Variants in TULP4 observed in about 807,000 individuals in gnomAD.
TULP4 encodes the protein TUB like protein 4, also known as tubby-related protein 4.
Under a neutral mutation model 129.0 loss-of-function variants are expected in TULP4, and 16 were observed. The observed-to-expected ratio is 0.12, with a 90% CI of 0.08 to 0.19. The LOEUF (loss-of-function observed/expected upper bound fraction) is 0.19, where lower values mean the gene tolerates loss of function less well. TULP4 is among the 10% of genes least tolerant of loss of function. TULP4 has a pLI of 1.00. For missense variants in TULP4, 1,842 were observed against 2,059.1 expected, an observed-to-expected ratio of 0.89 and a Z score of 2.04; for synonymous variants, 998 against 854.0, an observed-to-expected ratio of 1.17 and a Z score of -2.94.
Position 158,239,533 on chromosome 6 carries a change from A to G in TULP4, n.68+7230A>G, listed in dbSNP as rs867386383. Among the ~76,000 whole-genome samples, 59 of 40,990 alleles carry G rather than the reference A, an allele frequency of 1.4e-3. 7 individuals carry two copies. Among genetic ancestry groups the G allele is most frequent in the African/African-American group, 2.5e-3 (28 of 11,328 alleles). 26.9% of individuals were successfully genotyped at this position (40,990 alleles called of 152,430 possible). A position where few individuals can be genotyped will look rare whatever the true frequency, so the allele number is the denominator to read the frequency against. ...GGGCTCCTCACTTCCCAGTAAGGGC[A>G]GCCGGGCAGAGGCGCCCCTCACCTC... On this transcript the variant is annotated intron_variant and non_coding_transcript_variant, in intron 1 of 1. Coordinates refer to the TULP4 transcript ENST00000620026.
intron 1 of TULP4, among the ~76,000 whole-genome samples, chr6:158,336,269 T>C (rs1005327439): frequency 1.2e-4 from 18 of 152,234 alleles, no homozygotes; most frequent in African/African-American, 4.3e-4. Context: ...TATTTTTCTA[T>C]AGAAATTTTG....
rs1367460827 is a variant in TULP4 at position 158,455,164 on chromosome 6, TC to T, written c.859+2898del. On this transcript the variant is annotated intron_variant, in intron 5 of 13. Transcript: ENST00000367097. ...ATCTCGGCTCACTGCAAGCTCCGCT[TC>T]CTGGGTTCACGCCATTCTCCTGCCT... Among the ~76,000 whole-genome samples, 5 of 68,116 alleles carry T rather than the reference TC, an allele frequency of 7.3e-5. 1 individual carries two copies. The highest frequency in any genetic ancestry group is 6.9e-4 in the Admixed American group (5 of 7,254). The allele number at this position is 68,116 out of a possible 152,430, so 44.7% of individuals were successfully genotyped here.
At chr6:158,354,087 G>A (rs894513160) in intron 1 of TULP4, among the ~76,000 whole-genome samples, 11 of 151,960 alleles carry the variant, frequency 7.2e-5, no homozygotes, top group Non-Finnish European at 1.2e-4. Context: ...AGCTGGCACC[G>A]TTTCCTGAGG....
At chr6:158,492,511 C>T (rs1178027157) in intron 9 of TULP4, among the ~76,000 whole-genome samples, 1 of 152,082 alleles carries the variant, frequency 6.6e-6, no homozygotes, top group African/African-American at 2.4e-5. Flanking sequence ...TTCCAAAGTG[C>T]TTTTTTCCCA....
Position 158,435,215 on chromosome 6 carries a change from G to GCCC in TULP4, c.543+5321_543+5323dup, listed in dbSNP as rs796754006. Among the ~76,000 whole-genome samples, 90 of 152,306 alleles carry GCCC rather than the reference G, an allele frequency of 5.9e-4. 1 individual carries two copies. Among genetic ancestry groups the GCCC allele is most frequent in the African/African-American group, 1.9e-3 (78 of 41,566 alleles). On this transcript the variant is annotated intron_variant, in intron 3 of 13. Coordinates refer to ENST00000367097, the MANE Select transcript of TULP4 (RefSeq NM_020245.5). Reference sequence around the variant, plus strand: ...CCCATTTCCCCCCACAGTCAGGGTAGCCCCCTGTCCTGGGTCAAGCAAAGA... The same window carrying GCCC: ...CCCATTTCCCCCCACAGTCAGGGTAGCCCCCCCCTGTCCTGGGTCAAGCAAAGA...
In TULP4 at chr6:158,511,727, C is replaced by G. The variant is rs1326812199; in HGVS notation, c.*5033C>G. 1 of 152,178 alleles carries G rather than the reference C, an allele frequency of 6.6e-6. No individual in the cohort carries two copies. The highest frequency in any genetic ancestry group is 2.4e-5 in the African/African-American group (1 of 41,440). 9.4% of individuals were successfully genotyped at this position (152,178 alleles called of 1,614,324 possible). On this transcript the variant is annotated 3_prime_UTR_variant, in exon 14 of 14. Coordinates refer to ENST00000367097, the MANE Select transcript of TULP4 (RefSeq NM_020245.5). ...GTGGTTTGTCCAAGTTATTTTCTGT[C>G]TTTATTACTGAGACGGATTAATCTC...
intron 1 of TULP4, among the ~76,000 whole-genome samples, chr6:158,337,167 CT>C (rs1780064660): frequency 1.2e-5 from 1 of 80,980 alleles, no homozygotes; most frequent in South Asian, 4.3e-4. Flanking sequence ...GAGTCTTTCT[CT>C]GTTGCCTAGG....
chr6:158,322,832 C>G (rs1303909880), intron 1 of TULP4, among the ~76,000 whole-genome samples: 1 of 152,156 alleles, frequency 6.6e-6, no homozygotes, highest in East Asian at 1.9e-4. Context: ...TGGACTTCGC[C>G]TTCCTCTATT....
chr6:158,319,051 T>C (rs1273359793), intron 1 of TULP4, among the ~76,000 whole-genome samples: 1 of 152,084 alleles, frequency 6.6e-6, no homozygotes, highest in South Asian at 2.1e-4. Flanking sequence ...CAGCTCACGA[T>C]TGTTAAATCT....
intron 1 of TULP4, among the ~76,000 whole-genome samples, chr6:158,337,029 C>CTT (rs1554281466): frequency 3.0e-4 from 2 of 6,616 alleles, no homozygotes; most frequent in African/African-American, 4.8e-4. Context: ...AATTTTCTTT[C>CTT]TTTCTTTTTC....
chr6:158,428,873 G>A (rs705950), intron 2 of TULP4, among the ~76,000 whole-genome samples: 109,401 of 152,130 alleles, frequency 0.72, 40,018 homozygotes, highest in African/African-American at 0.79. Flanking sequence ...GATGAGAACA[G>A]TAATACCTTC....
intron 1 of TULP4, among the ~76,000 whole-genome samples, chr6:158,244,331 G>A (rs1777985892): frequency 6.6e-6 from 1 of 152,142 alleles, no homozygotes; most frequent in South Asian, 2.1e-4. Flanking sequence ...TAAACAAAAT[G>A]TTCAGTTTTA....
intron 1 of TULP4, among the ~76,000 whole-genome samples, chr6:158,382,383 G>A (rs1004921176): frequency 1.3e-5 from 2 of 152,142 alleles, no homozygotes; most frequent in African/African-American, 4.8e-5. Flanking sequence ...TCTCATCGTT[G>A]TAATTGCTTC....
At chr6:158,365,707 G>A (rs1344443922) in intron 1 of TULP4, among the ~76,000 whole-genome samples, 2 of 151,620 alleles carry the variant, frequency 1.3e-5, no homozygotes, top group Non-Finnish European at 2.9e-5. Context: ...TCCTGACCTT[G>A]TGATCCGCCC....
chr6:158,392,971 A>C (rs1583829144), intron 1 of TULP4, among the ~76,000 whole-genome samples: 1 of 89,208 alleles, frequency 1.1e-5, no homozygotes, highest in Non-Finnish European at 2.2e-5. Context: ...ACAGAGTGAG[A>C]CTCTGTCTGT....
chr6:158,435,036 T>C (rs1778720919), intron 3 of TULP4, among the ~76,000 whole-genome samples: 1 of 152,186 alleles, frequency 6.6e-6, no homozygotes, highest in Non-Finnish European at 1.5e-5. Flanking sequence ...CCAGAACTCT[T>C]CCCAGGCTGC....
intron 5 of TULP4, among the ~76,000 whole-genome samples, chr6:158,454,488 A>G (rs1264531342): frequency 6.7e-6 from 1 of 150,018 alleles, no homozygotes; most frequent in Non-Finnish European, 1.5e-5. Context: ...TAATATAATT[A>G]CCACTCAGTT....
intron 2 of TULP4, among the ~76,000 whole-genome samples, chr6:158,425,597 T>G (rs894651922): frequency 2.0e-5 from 3 of 150,010 alleles, no homozygotes; most frequent in South Asian, 4.2e-4. Flanking sequence ...CTGTTTTAGG[T>G]TTTTTTTTGT....
At chr6:158,395,029 A>G (rs972640475) in intron 1 of TULP4, among the ~76,000 whole-genome samples, 8 of 152,138 alleles carry the variant, frequency 5.3e-5, no homozygotes, top group African/African-American at 1.9e-4. Flanking sequence ...TCTCGTGAGA[A>G]CTCACTGTCA....
Sources: gnomAD v4.1 joint callset for allele counts (sites outside exome capture counted in the v4.1 genomes callset) on GRCh38, gnomAD v4.1.1 for gene constraint, MANE v1.5 for transcripts, NCBI Gene and HGNC (gene_info 2026-07-23, HGNC 2026-07-21) for gene names.